The following ESRRG variants were observed in gnomAD, a reference collection of about 807,000 sequenced individuals.
The protein encoded by ESRRG is estrogen-related receptor gamma.
In ESRRG, 13 loss-of-function variants were observed where a neutral mutation model predicts 44.0. The observed-to-expected ratio is 0.30, with a 90% CI of 0.19 to 0.47. ESRRG has a LOEUF of 0.47. ESRRG is among the 20% of genes least tolerant of loss of function. The pLI is 1.00. For missense variants in ESRRG, 395 were observed against 580.6 expected, an observed-to-expected ratio of 0.68 and a Z score of 3.29; for synonymous variants, 215 against 214.6, an observed-to-expected ratio of 1.00 and a Z score of -0.02.
At chr1:217,030,437 C>A (rs748948796) in intron 1 of ESRRG, among the ~76,000 whole-genome samples, 1 of 152,196 alleles carries the variant, frequency 6.6e-6, no homozygotes, top group Non-Finnish European at 1.5e-5. Context: ...CTATGAAAAA[C>A]TTCACAGTGT....
chr1:216,945,976 A>G (rs2065990736), intron 1 of ESRRG, among the ~76,000 whole-genome samples: 1 of 152,192 alleles, frequency 6.6e-6, no homozygotes. Context: ...AGAGGAGCTT[A>G]CTTTTCACCA....
intron 2 of ESRRG, among the ~76,000 whole-genome samples, chr1:216,796,960 C>T (rs900684385): frequency 2.6e-5 from 4 of 152,064 alleles, no homozygotes; most frequent in Admixed American, 6.6e-5. Context: ...GGTGCGATCT[C>T]GGCTCACTAC....
At chr1:216,868,079 CTTTTT>C (rs58738849) in intron 2 of ESRRG, among the ~76,000 whole-genome samples, 68 of 78,364 alleles carry the variant, frequency 8.7e-4, no homozygotes, top group African/African-American at 2.7e-3. Context: ...TATATTGATC[CTTTTT>C]TTTTTTTTTT....
At chr1:216,787,475 C>T (rs575041757) in intron 2 of ESRRG, among the ~76,000 whole-genome samples, 5 of 151,634 alleles carry the variant, frequency 3.3e-5, no homozygotes, top group African/African-American at 1.2e-4. Context: ...TGGTGGCACA[C>T]ACCTGTAGTC....
chr1:216,772,366 A>AC (rs2093419527), intron 2 of ESRRG, among the ~76,000 whole-genome samples: 1 of 152,106 alleles, frequency 6.6e-6, no homozygotes, highest in African/African-American at 2.4e-5. Context: ...AACATCCCAG[A>AC]ATTCAGCAGC....
At chr1:216,818,544 G>T (rs577360694) in intron 2 of ESRRG, among the ~76,000 whole-genome samples, 89 of 152,084 alleles carry the variant, frequency 5.9e-4, no homozygotes, top group Non-Finnish European at 1.1e-3. Context: ...CTTAGCTCAT[G>T]CCCTCATTGC....
At chr1:216,905,456 A>T (rs1184147268) in intron 2 of ESRRG, among the ~76,000 whole-genome samples, 1 of 152,178 alleles carries the variant, frequency 6.6e-6, no homozygotes, top group East Asian at 1.9e-4. Flanking sequence ...GTTACCCCTT[A>T]AAGTTCAACC....
At chr1:216,738,268 C>A (rs1055227781) in intron 2 of ESRRG, among the ~76,000 whole-genome samples, 2 of 152,078 alleles carry the variant, frequency 1.3e-5, no homozygotes, top group African/African-American at 2.4e-5. Flanking sequence ...AAAGTGAAGA[C>A]CATCTGTGGA....
chr1:217,099,881 G>A (rs2092482154), intron 1 of ESRRG, among the ~76,000 whole-genome samples: 1 of 151,976 alleles, frequency 6.6e-6, no homozygotes, highest in South Asian at 2.1e-4. Context: ...AAATGACCCA[G>A]TTGACCAGTT....
chr1:216,873,719 T>C lies in ESRRG; in HGVS notation c.-14+65863A>G, dbSNP rs115526609. Among the ~76,000 whole-genome samples the C allele has an allele frequency of 8.3e-3, 1,249 of 151,302 alleles. 11 individuals carry two copies. The highest frequency in any genetic ancestry group is 0.014 in the Non-Finnish European group (922 of 67,846). ...AGACAGAGAGGGAAAGTAACATTGATGTGCTCCACCCTCTTGGGACCACAG... is the reference window on the plus strand; with the variant it reads ...AGACAGAGAGGGAAAGTAACATTGACGTGCTCCACCCTCTTGGGACCACAG... On this transcript the variant is annotated intron_variant, in intron 2 of 7. Transcript: ENST00000359162.
At chr1:216,743,224 G>T (rs1234524226) in intron 2 of ESRRG, among the ~76,000 whole-genome samples, 1 of 152,150 alleles carries the variant, frequency 6.6e-6, no homozygotes, top group African/African-American at 2.4e-5. Flanking sequence ...GTATTTATTT[G>T]CTAAGCCTGA....
intron 4 of ESRRG, among the ~76,000 whole-genome samples, chr1:216,565,388 C>T (rs1463051132): frequency 6.6e-6 from 1 of 152,138 alleles, no homozygotes; most frequent in East Asian, 1.9e-4. Context: ...TTTAAATGTT[C>T]TATGTACTAT....
intron 2 of ESRRG, among the ~76,000 whole-genome samples, chr1:216,881,762 T>C (rs966173654): frequency 6.6e-6 from 1 of 152,124 alleles, no homozygotes; most frequent in African/African-American, 2.4e-5. Context: ...GAAAGGAGGA[T>C]AAAAAGTTAT....
At chr1:216,620,870 AAGC>A (rs1269583684) in intron 3 of ESRRG, among the ~76,000 whole-genome samples, 1 of 152,188 alleles carries the variant, frequency 6.6e-6, no homozygotes, top group Non-Finnish European at 1.5e-5. Context: ...GTTCAAGGCA[AAGC>A]AGTATTTTGA....
At chr1:216,787,959 T>C (rs1178607892) in intron 2 of ESRRG, among the ~76,000 whole-genome samples, 1 of 152,098 alleles carries the variant, frequency 6.6e-6, no homozygotes, top group Non-Finnish European at 1.5e-5. Context: ...AGCAAGGTCT[T>C]AACTCTCTTC....
intron 1 of ESRRG, among the ~76,000 whole-genome samples, chr1:217,108,334 C>T (rs1281499617): frequency 6.6e-6 from 1 of 152,190 alleles, no homozygotes; most frequent in Non-Finnish European, 1.5e-5. Context: ...TCATTCTTTG[C>T]AGCTCTCCGA....
At chr1:216,657,638 G>T (rs1285633138) in intron 2 of ESRRG, among the ~76,000 whole-genome samples, 1 of 152,120 alleles carries the variant, frequency 6.6e-6, no homozygotes. Flanking sequence ...TATAAGGAAT[G>T]GGTACTATCA....
chr1:216,739,499 C>T (rs1191705402), intron 2 of ESRRG, among the ~76,000 whole-genome samples: 3 of 152,082 alleles, frequency 2.0e-5, no homozygotes, highest in Non-Finnish European at 2.9e-5. Flanking sequence ...ATCATTTGAT[C>T]GTCTGATGAC....
At chr1:216,606,372 GACTA>G (rs1244566693) in intron 3 of ESRRG, among the ~76,000 whole-genome samples, 2 of 152,154 alleles carry the variant, frequency 1.3e-5, no homozygotes, top group Non-Finnish European at 2.9e-5. Context: ...ATGTACAATG[GACTA>G]ACTCCATTTG....
Sources: gnomAD v4.1 joint callset for allele counts (sites outside exome capture counted in the v4.1 genomes callset) on GRCh38, gnomAD v4.1.1 for gene constraint, MANE v1.5 for transcripts, NCBI Gene and HGNC (gene_info 2026-07-23, HGNC 2026-07-21) for gene names.